The following ARHGAP10 variants were observed in gnomAD, a reference collection of about 807,000 sequenced individuals.
The protein encoded by ARHGAP10 is Rho GTPase activating protein 10, also known as rho GTPase-activating protein 10.
A neutral mutation model predicts 108.6 loss-of-function variants in ARHGAP10; 87 were observed. The ratio of observed to expected loss-of-function variants is 0.80; its 90% CI spans 0.67 to 0.96. The LOEUF (loss-of-function observed/expected upper bound fraction) is 0.96. Ranked by LOEUF, ARHGAP10 falls within the 40% of genes least tolerant of loss-of-function variation. The probability of loss-of-function intolerance (pLI) is 0.00; values close to 1 mark genes in which losing one functional copy is unlikely to be tolerated. For synonymous variants in ARHGAP10, 347 were observed against 341.1 expected (o/e 1.02, Z -0.19); for missense variants, 939 against 954.5 (o/e 0.98, Z 0.21).
chr4:148,028,780 A>T (rs1727994457), intron 19 of ARHGAP10, among the ~76,000 whole-genome samples: 2 of 152,208 alleles, frequency 1.3e-5, no homozygotes, highest in South Asian at 4.1e-4. Context: ...TTGAATTAGC[A>T]CTAGAAAGCA....
chr4:147,876,464 G>A (rs947699308), intron 8 of ARHGAP10, among the ~76,000 whole-genome samples: 2 of 151,994 alleles, frequency 1.3e-5, no homozygotes, highest in Non-Finnish European at 2.9e-5. Context: ...GTAGTGGCGG[G>A]CACCTGTAGT....
chr4:148,043,768 ATATATATG>A (rs1728756862), intron 19 of ARHGAP10, among the ~76,000 whole-genome samples: 3 of 145,370 alleles, frequency 2.1e-5, no homozygotes, highest in African/African-American at 7.5e-5. Context: ...ATATATGTGT[ATATATATG>A]TATATATATA....
chr4:148,011,916 G>C (rs974494913), intron 18 of ARHGAP10, among the ~76,000 whole-genome samples: 4 of 152,168 alleles, frequency 2.6e-5, no homozygotes. Flanking sequence ...AAAAATCTAT[G>C]TGCTAATCCC....
At chr4:148,018,696 A>G (rs1030345268) in intron 18 of ARHGAP10, among the ~76,000 whole-genome samples, 1 of 152,018 alleles carries the variant, frequency 6.6e-6, no homozygotes, top group Non-Finnish European at 1.5e-5. Context: ...TCCCCATTTT[A>G]CTCTTTCTAA....
At chr4:147,857,707 G>A (rs1734152533) in intron 5 of ARHGAP10, 53 bp downstream of exon 5, 3 of 1,329,152 alleles carry the variant, frequency 2.3e-6, no homozygotes, top group Non-Finnish European at 3.0e-6. Context: ...AGCAATACAT[G>A]TCTTTTAAAA....
chr4:147,888,573 G>A (rs1482940901), intron 10 of ARHGAP10, among the ~76,000 whole-genome samples: 5 of 152,056 alleles, frequency 3.3e-5, no homozygotes, highest in Non-Finnish European at 5.9e-5. Flanking sequence ...AAGCTCCTTG[G>A]TTAACTTGGA....
chr4:148,045,443 A>G (rs1227884648), intron 19 of ARHGAP10, among the ~76,000 whole-genome samples: 1 of 152,130 alleles, frequency 6.6e-6, no homozygotes, highest in Admixed American at 6.5e-5. Context: ...CGTTTTTAGG[A>G]GAATTGAAAT....
intron 12 of ARHGAP10, among the ~76,000 whole-genome samples, chr4:147,912,182 T>G (rs546968617): frequency 1.3e-5 from 2 of 152,252 alleles, no homozygotes; most frequent in East Asian, 3.9e-4. Flanking sequence ...AAAATTATTT[T>G]ACATTACAAA....
intron 3 of ARHGAP10, among the ~76,000 whole-genome samples, chr4:147,832,378 G>T (rs1732986791): frequency 1.3e-5 from 2 of 151,160 alleles, no homozygotes; most frequent in Admixed American, 6.6e-5. Context: ...TCCAGGCACG[G>T]TAGCTCACGC....
At chr4:148,054,419 A>G (rs1415275821) in intron 20 of ARHGAP10, among the ~76,000 whole-genome samples, 4 of 152,350 alleles carry the variant, frequency 2.6e-5, no homozygotes, top group East Asian at 3.9e-4. Flanking sequence ...ATAAAACCCA[A>G]TCACTGCTCC....
At chr4:147,865,378 C>G (rs1270237550) in intron 6 of ARHGAP10, 1 of 153,082 alleles carries the variant, frequency 6.5e-6, no homozygotes, top group Admixed American at 6.5e-5. Flanking sequence ...TTATGGCAAT[C>G]TAAGTTTAGA....
intron 20 of ARHGAP10, among the ~76,000 whole-genome samples, chr4:148,049,402 G>C (rs1334530281): frequency 1.3e-5 from 2 of 152,216 alleles, no homozygotes; most frequent in Non-Finnish European, 2.9e-5. Flanking sequence ...TAGGATAAGT[G>C]ATTGCTCCAC....
At chr4:147,986,863 T>G (rs1740063231) in intron 18 of ARHGAP10, among the ~76,000 whole-genome samples, 1 of 152,180 alleles carries the variant, frequency 6.6e-6, no homozygotes, top group South Asian at 2.1e-4. Context: ...AGTTGGTAAG[T>G]GGGGATTCAG....
At chr4:148,005,315 G>A (rs922700269) in intron 18 of ARHGAP10, among the ~76,000 whole-genome samples, 5 of 152,112 alleles carry the variant, frequency 3.3e-5, no homozygotes, top group Non-Finnish European at 7.3e-5. Context: ...TAGGTGTGCT[G>A]GCTCATGGCT....
intron 18 of ARHGAP10, among the ~76,000 whole-genome samples, chr4:147,985,548 T>C (rs1454491291): frequency 6.6e-6 from 1 of 152,202 alleles, no homozygotes; most frequent in African/African-American, 2.4e-5. Context: ...TAGTACCTAC[T>C]GTTGGGTTAC....
rs761220557 is a variant in ARHGAP10 at position 147,955,372 on chromosome 4, C to T, written c.1448C>T (p.Ala483Val). The T allele has an allele frequency of 3.1e-6, 5 of 1,609,874 alleles. No homozygotes were observed. The South Asian group carries it at 5.5e-5, about 18-fold the overall frequency. ...TTACATGGAGATTTCATTGTTCCAG[C>T]CAGTAAGTATTATGTAAAGGTATAT... ...YELHGDFIVP[A>V]KSGSPESRVN... is the part of the protein sequence containing the mutation. Residue 483 changes from alanine to valine, a missense_variant and splice_region_variant, in exon 16 of 23, where the codon GCC becomes GTC. Transcript: ENST00000336498.
At chr4:148,060,970 C>A (rs1303680925) in intron 20 of ARHGAP10, among the ~76,000 whole-genome samples, 1 of 152,040 alleles carries the variant, frequency 6.6e-6, no homozygotes, top group Admixed American at 6.6e-5. Context: ...AGCCAGGGTG[C>A]GGGACAGGCA....
At chr4:147,983,702 C>T (rs1371545752) in intron 18 of ARHGAP10, among the ~76,000 whole-genome samples, 3 of 152,026 alleles carry the variant, frequency 2.0e-5, no homozygotes, top group Non-Finnish European at 2.9e-5. Context: ...AATCTTGAGT[C>T]GTTTTTGTGT....
intron 13 of ARHGAP10, among the ~76,000 whole-genome samples, chr4:147,920,618 A>G (rs1365801959): frequency 7.2e-6 from 1 of 138,642 alleles, no homozygotes; most frequent in East Asian, 2.1e-4. Flanking sequence ...GGCCTCTGGG[A>G]TACGTGTTCA....
Sources: allele counts gnomAD v4.1 joint callset (sites outside exome capture counted in the v4.1 genomes callset), GRCh38; gene constraint gnomAD v4.1.1; transcripts MANE v1.5; gene names NCBI Gene and HGNC (gene_info 2026-07-23, HGNC 2026-07-21).